STK31: variants seen among roughly 807,000 people sequenced by gnomAD.
The protein encoded by STK31 is serine/threonine kinase 31.
STK31 carries 89 observed loss-of-function variants against 129.7 expected under a neutral mutation model. The ratio of observed to expected loss-of-function variants is 0.69; its 90% confidence interval spans 0.58 to 0.82. The LOEUF (loss-of-function observed/expected upper bound fraction) is 0.82. STK31 is among the 40% of genes least tolerant of loss of function. STK31 has a pLI of 0.00. For synonymous variants in STK31, 448 were observed against 395.3 expected, an observed-to-expected ratio of 1.13 and a Z score of -1.58; for missense variants, 1,187 against 1,176.4, an observed-to-expected ratio of 1.01 and a Z score of -0.13.
intron 4 of STK31, among the ~76,000 whole-genome samples, chr7:23,720,479 A>AT (rs200849835): frequency 1.4e-3 from 207 of 151,626 alleles, no homozygotes; most frequent in African/African-American, 4.5e-3. Context: ...ACACGTAACA[A>AT]TTTTTTTTTC....
intron 1 of STK31, among the ~76,000 whole-genome samples, chr7:23,711,729 T>C (rs1785977856): frequency 6.6e-6 from 1 of 152,202 alleles, no homozygotes; most frequent in Non-Finnish European, 1.5e-5. Context: ...CTTGTAATGT[T>C]TCTCTTTGTT....
At chr7:23,748,279 A>C (rs770020556) in intron 8 of STK31, among the ~76,000 whole-genome samples, 1 of 151,966 alleles carries the variant, frequency 6.6e-6, no homozygotes, top group Admixed American at 6.5e-5. Flanking sequence ...ATTGATTTTT[A>C]GCTTATTCTA....
chr7:23,754,021 TTTTTTATA>T (rs1788892525), intron 9 of STK31, among the ~76,000 whole-genome samples: 1 of 152,154 alleles, frequency 6.6e-6, no homozygotes, highest in Non-Finnish European at 1.5e-5. Flanking sequence ...CGAAGTTGCC[TTTTTTATA>T]GTTTAAAAAA....
chr7:23,715,778 A>G (rs1389014585), intron 3 of STK31, among the ~76,000 whole-genome samples: 1 of 152,042 alleles, frequency 6.6e-6, no homozygotes, highest in African/African-American at 2.4e-5. Context: ...GCTCTTTCAG[A>G]GTTTTTTTTC....
At chr7:23,761,694 C>A (rs187234929) in intron 10 of STK31, among the ~76,000 whole-genome samples, 163 of 151,538 alleles carry the variant, frequency 1.1e-3, no homozygotes, top group Admixed American at 6.7e-3. Flanking sequence ...AGGCGTGGGC[C>A]ACCGTGCCCA....
intron 23 of STK31, among the ~76,000 whole-genome samples, chr7:23,823,724 G>A (rs1793931928): frequency 6.6e-6 from 1 of 152,174 alleles, no homozygotes; most frequent in African/African-American, 2.4e-5. Flanking sequence ...GGTTTTTATA[G>A]TTTTAGGTCT....
chr7:23,814,491 G>C (rs893671726), intron 22 of STK31, among the ~76,000 whole-genome samples: 1 of 151,910 alleles, frequency 6.6e-6, no homozygotes, highest in African/African-American at 2.4e-5. Flanking sequence ...TGATATGATT[G>C]TGTAAAAATA....
At chr7:23,829,929 A>G (rs1376309696) in intron 23 of STK31, among the ~76,000 whole-genome samples, 2 of 152,036 alleles carry the variant, frequency 1.3e-5, no homozygotes, top group Non-Finnish European at 2.9e-5. Context: ...GTTATTCATA[A>G]TAGTCTTTAT....
chr7:23,810,654 A>G (rs1427013825), intron 22 of STK31, among the ~76,000 whole-genome samples: 2 of 135,504 alleles, frequency 1.5e-5, no homozygotes, highest in Non-Finnish European at 3.1e-5. Flanking sequence ...TAAATTATAT[A>G]TATAAAAATA....
intron 15 of STK31, among the ~76,000 whole-genome samples, chr7:23,775,314 C>G (rs993380089): frequency 2.6e-5 from 4 of 152,186 alleles, no homozygotes; most frequent in Admixed American, 1.3e-4. Flanking sequence ...TATCTGGGCT[C>G]TTTTTTAGTT....
rs749230926 is a variant in STK31 at position 23,785,471 on chromosome 7, T to C, written c.2149-7T>C. On this transcript the variant is annotated splice_polypyrimidine_tract_variant and splice_region_variant and intron_variant, in intron 17 of 23. Transcript: ENST00000355870. ...ATTCTTTAACTGTGATAAAAACTTG[T>C]GCCTAGAACTCTGGTGGTCTCCTTA... The C allele has an allele frequency of 5.6e-6, 9 of 1,610,962 alleles. No individual in the cohort carries two copies. In the African/African-American group the frequency reaches 8.0e-5, roughly 14 times the overall value.
chr7:23,714,602 T>G (rs920496155), intron 3 of STK31, among the ~76,000 whole-genome samples: 10 of 152,250 alleles, frequency 6.6e-5, no homozygotes, highest in African/African-American at 2.4e-4. Flanking sequence ...TTATATTTCC[T>G]TTTTAATATT....
At chr7:23,746,280 G>C (rs758420983) in intron 8 of STK31, among the ~76,000 whole-genome samples, 1 of 152,186 alleles carries the variant, frequency 6.6e-6, no homozygotes, top group Non-Finnish European at 1.5e-5. Context: ...TCCCTTTCGT[G>C]GCTAGAATTG....
chr7:23,815,348 T>C lies in STK31; in HGVS notation c.2829+136T>C. ...GCAATAAATGAAGTATTGAAAAAAA[T>C]TCAGGTGCCCTACTTAACACCACTT... On this transcript the variant is annotated intron_variant, in intron 23 of 23. Transcript: ENST00000355870. The C allele has an allele frequency of 6.8e-6, 4 of 591,714 alleles. No homozygotes were observed. The South Asian group carries it at 1.1e-4, about 17-fold the overall frequency. The allele number at this position is 591,714 out of a possible 1,614,324, so 36.7% of individuals were successfully genotyped here.
Position 23,808,157 on chromosome 7 carries a change from A to ATG in STK31, c.2761-6986_2761-6985insGT, listed in dbSNP as rs1320790800. 5.0e-3 allele frequency among the ~76,000 whole-genome samples: 565 copies of ATG among 112,000 alleles called. 4 individuals carry two copies. The highest frequency in any genetic ancestry group is 0.02 in the Middle Eastern group (5 of 244). 73.5% of individuals were successfully genotyped at this position (112,000 alleles called of 152,430 possible). A position where few individuals can be genotyped will look rare whatever the true frequency, so the allele number is the denominator to read the frequency against. ...AGACTATGAATCCTTTTTAATATAT[A>ATG]TATATATATATATTTTTTGTAGGCA... On this transcript the variant is annotated intron_variant, in intron 22 of 23. Coordinates refer to ENST00000355870, the MANE Select transcript of STK31 (RefSeq NM_031414.5).
At position 23,754,486 on chromosome 7, in the gene STK31, A is replaced by T; in HGVS notation, c.1293+12A>T. ...CTTGTGAATATGTGGTGAGTTGGGA[A>T]TTTTTCTCTATTGTGGTTTTTATCT... On this transcript the variant is annotated intron_variant, in intron 10 of 23. Coordinates refer to ENST00000355870, the MANE Select transcript of STK31 (RefSeq NM_031414.5). The T allele has an allele frequency of 3.7e-6, 6 of 1,601,500 alleles. No homozygotes were observed. Among genetic ancestry groups the T allele is most frequent in the Non-Finnish European group, 5.1e-6 (6 of 1,176,436 alleles).
At chr7:23,815,411 C>T (rs1212688283) in intron 23 of STK31, among the ~76,000 whole-genome samples, 199 bp downstream of exon 23, 3 of 152,056 alleles carry the variant, frequency 2.0e-5, no homozygotes, top group Admixed American at 2.0e-4. Context: ...GGTTGTTTGT[C>T]ACACAGATTA....
chr7:23,785,833 G>C (rs1381405829), intron 18 of STK31, among the ~76,000 whole-genome samples: 1 of 151,588 alleles, frequency 6.6e-6, no homozygotes, highest in Non-Finnish European at 1.5e-5. Context: ...ATCACCCGTG[G>C]GGGCCTGTCA....
intron 22 of STK31, among the ~76,000 whole-genome samples, chr7:23,813,812 C>T (rs1428859308): frequency 6.6e-6 from 1 of 152,056 alleles, no homozygotes; most frequent in Admixed American, 6.6e-5. Flanking sequence ...ATGACCGATG[C>T]AGAATACCTC....
Sources: gnomAD v4.1 joint callset for allele counts (sites outside exome capture counted in the v4.1 genomes callset) on GRCh38, gnomAD v4.1.1 for gene constraint, MANE v1.5 for transcripts, NCBI Gene and HGNC (gene_info 2026-07-23, HGNC 2026-07-21) for gene names.